Variants in DCP1B observed in about 807,000 individuals in gnomAD.
DCP1B encodes the protein decapping mRNA 1B.
DCP1B carries 47 observed loss-of-function variants against 60.5 expected under a neutral mutation model. The ratio of observed to expected loss-of-function variants is 0.78; its 90% CI spans 0.61 to 0.99. The LOEUF (loss-of-function observed/expected upper bound fraction) is 0.99, where lower values mean the gene tolerates loss of function less well. DCP1B is among the 50% of genes least tolerant of loss of function. DCP1B has a pLI of 0.00. For missense variants in DCP1B, 725 were observed against 756.8 expected, an observed-to-expected ratio of 0.96 and a Z score of 0.49; for synonymous variants, 267 against 280.3, an observed-to-expected ratio of 0.95 and a Z score of 0.47.
chr12:1,986,451 A>G (rs1024319871), intron 3 of DCP1B, among the ~76,000 whole-genome samples: 2 of 152,108 alleles, frequency 1.3e-5, no homozygotes, highest in African/African-American at 4.8e-5. Context: ...TAAAAATAAA[A>G]ATACATAATG....
chr12:1,970,637 G>C (rs559594513), intron 3 of DCP1B: 1 of 154,754 alleles, frequency 6.5e-6, no homozygotes, highest in Non-Finnish European at 1.4e-5. Context: ...CACACAAGAG[G>C]GTCTATCAAA....
chr12:1,988,558 C>T (rs983980086), intron 3 of DCP1B, among the ~76,000 whole-genome samples: 2 of 152,212 alleles, frequency 1.3e-5, no homozygotes, highest in Admixed American at 6.5e-5. Context: ...TATTACAGCA[C>T]GCTTCCTATT....
chr12:1,973,615 G>A (rs2033261013), intron 3 of DCP1B, among the ~76,000 whole-genome samples: 1 of 152,044 alleles, frequency 6.6e-6, no homozygotes, highest in African/African-American at 2.4e-5. Context: ...GAACCTTGAG[G>A]TCATCTACTA....
At chr12:1,987,281 C>T (rs1281584797) in intron 3 of DCP1B, among the ~76,000 whole-genome samples, 1 of 152,146 alleles carries the variant, frequency 6.6e-6, no homozygotes. Flanking sequence ...TTCATATGTA[C>T]ATCATTATAA....
rs1007485526 is a variant in DCP1B, at chr12:1,962,794, T to C, written c.522+2764A>G. On this transcript the variant is annotated intron_variant, in intron 5 of 8. Transcript: ENST00000280665. The surrounding 1 kb of genome is among the most constrained non-coding windows in gnomAD (Gnocchi z 4.4). ...CATTCATATTCCTTCCTTCACTCAA[T>C]AGCCATTATTTAACACTCACCATGT... Among the ~76,000 whole-genome samples the C allele has an allele frequency of 3.3e-5, 5 of 152,210 alleles. No individual in the cohort carries two copies. The highest frequency in any genetic ancestry group is 6.5e-5 in the Admixed American group (1 of 15,284).
intron 3 of DCP1B, among the ~76,000 whole-genome samples, chr12:1,984,231 C>T (rs111770675): frequency 0.027 from 4,137 of 152,174 alleles, 95 homozygotes; most frequent in Middle Eastern, 0.054. Flanking sequence ...TGTAACGTAA[C>T]TACCGATATG....
rs1433532762 is a variant in DCP1B at position 1,962,862 on chromosome 12, A to C, written c.522+2696T>G. 2.0e-5 allele frequency among the ~76,000 whole-genome samples: 3 copies of C among 152,224 alleles called. No homozygotes were observed. Among genetic ancestry groups the C allele is most frequent in the Non-Finnish European group, 4.4e-5 (3 of 68,048 alleles). ...CAATAAGGGATATAAAAGTGAATAA[A>C]GGATGTTCTTCGTACTCAAGAAGCT... On this transcript the variant is annotated intron_variant, in intron 5 of 8. Coordinates refer to ENST00000280665, the MANE Select transcript of DCP1B (RefSeq NM_152640.5). The surrounding 1 kb of genome is among the most constrained non-coding windows in gnomAD (Gnocchi z 4.4).
intron 7 of DCP1B, among the ~76,000 whole-genome samples, chr12:1,951,003 G>A (rs968702223): frequency 6.6e-6 from 1 of 152,148 alleles, no homozygotes; most frequent in Admixed American, 6.5e-5. Context: ...CAGGTGCAGT[G>A]GCTCACGACT....
In DCP1B at chr12:1,949,291, A is replaced by G. The variant is rs1228435015; in HGVS notation, c.1568T>C (p.Leu523Pro). 2.5e-6 allele frequency: 4 copies of G among 1,614,008 alleles called. No homozygotes were observed. In the African/African-American group the frequency reaches 5.3e-5, roughly 22 times the overall value. ...TGCGAACACCATGGGGGACATAAGC[A>G]GAGACGGAGCTGCTGTAGCAGGGAT... is the stretch of plus-strand genomic sequence containing the variant. ...QRIPATAAPS[L>P]LMSPMVFAQP... The change falls in exon 8 of 9, where the codon CTG (leucine) becomes CCG (proline). Residue 523 changes from leucine (L) to proline (P), a missense_variant. Coordinates refer to ENST00000280665, the MANE Select transcript of DCP1B (RefSeq NM_152640.5).
intron 4 of DCP1B, among the ~76,000 whole-genome samples, chr12:1,966,748 G>A (rs931168434): frequency 6.6e-6 from 1 of 151,616 alleles, no homozygotes; most frequent in African/African-American, 2.4e-5. Context: ...TTGTTATGGT[G>A]GTAAATACCA....
chr12:1,965,313 T>C (rs570993477), intron 5 of DCP1B, among the ~76,000 whole-genome samples: 1 of 152,344 alleles, frequency 6.6e-6, no homozygotes, highest in East Asian at 1.9e-4. Flanking sequence ...AAGGTTATTG[T>C]ATACATGAAG....
intron 1 of DCP1B, among the ~76,000 whole-genome samples, chr12:2,000,327 T>C (rs1407775564): frequency 6.6e-6 from 1 of 152,226 alleles, no homozygotes; most frequent in African/African-American, 2.4e-5. Flanking sequence ...AACACTCTCC[T>C]GGTCTTCCAG....
intron 3 of DCP1B, among the ~76,000 whole-genome samples, chr12:1,975,930 G>A (rs1282105515): frequency 6.6e-6 from 1 of 152,146 alleles, no homozygotes; most frequent in African/African-American, 2.4e-5. Flanking sequence ...GTGAAGAGAA[G>A]GGTTGTTTAC....
intron 2 of DCP1B, among the ~76,000 whole-genome samples, chr12:1,995,229 T>G (rs74669109): frequency 0.017 from 2,536 of 152,214 alleles, 66 homozygotes; most frequent in African/African-American, 0.057. Context: ...AAAAAAACCC[T>G]ACTAAAAATT....
At chr12:1,999,113 G>C (rs1352709914) in intron 1 of DCP1B, among the ~76,000 whole-genome samples, 1 of 152,202 alleles carries the variant, frequency 6.6e-6, no homozygotes, top group Admixed American at 6.5e-5. Flanking sequence ...TATTAGAAAT[G>C]CAAGCTCTTG....
rs1195074740 is a variant in DCP1B, at chr12:1,971,101, C to G, written c.320-3191G>C. The G allele has an allele frequency of 4.7e-6, 6 of 1,289,368 alleles. No homozygotes were observed. The highest frequency in any genetic ancestry group is 1.2e-5 in the South Asian group (1 of 81,020). 79.9% of individuals were successfully genotyped at this position (1,289,368 alleles called of 1,614,324 possible). ...TTGTTCAGCCTGGTACGCCTGCATA[C>G]CAGCCGCTTCCCAGCCACCTGTCTG... On this transcript the variant is annotated intron_variant, in intron 3 of 8. Transcript: ENST00000280665. This position sits in a 1 kb window ranked among gnomAD's most constrained non-coding sequence, Gnocchi z 4.2.
At chr12:1,973,862 C>A (rs1262953168) in intron 3 of DCP1B, among the ~76,000 whole-genome samples, 1 of 152,148 alleles carries the variant, frequency 6.6e-6, no homozygotes, top group African/African-American at 2.4e-5. Context: ...TCAAAATCTC[C>A]TTGGCCACAA....
At chr12:1,997,575 A>G (rs1444885538) in intron 2 of DCP1B, among the ~76,000 whole-genome samples, 1 of 152,216 alleles carries the variant, frequency 6.6e-6, no homozygotes, top group African/African-American at 2.4e-5. Flanking sequence ...TATTAACTGA[A>G]CAATCTAGTA....
At chr12:2,004,163 C>T (rs2042845790) in intron 1 of DCP1B, 119 bp downstream of exon 1, 3 of 1,447,416 alleles carry the variant, frequency 2.1e-6, no homozygotes, top group African/African-American at 1.4e-5. Flanking sequence ...TCCCCAGATC[C>T]ACCCACTTCC....
Sources: allele counts gnomAD v4.1 joint callset (sites outside exome capture counted in the v4.1 genomes callset), GRCh38; gene constraint gnomAD v4.1.1; non-coding constraint Gnocchi (gnomAD v3.1); transcripts MANE v1.5; gene names NCBI Gene and HGNC (gene_info 2026-07-23, HGNC 2026-07-21).